FHL2: variants seen among roughly 807,000 people sequenced by gnomAD.
The protein encoded by FHL2 is four and a half LIM domains protein 2.
Under a neutral mutation model 32.7 loss-of-function variants are expected in FHL2, and 20 were observed. The observed-to-expected ratio is 0.61, with a 90% CI of 0.43 to 0.89. The LOEUF (loss-of-function observed/expected upper bound fraction) is 0.89, where lower values mean the gene tolerates loss of function less well. Ranked by LOEUF, FHL2 falls within the 40% of genes least tolerant of loss-of-function variation. The pLI, the probability that FHL2 is intolerant of heterozygous loss-of-function variation, is 0.00. For synonymous variants in FHL2, 123 were observed against 128.1 expected (o/e 0.96, Z 0.27); for missense variants, 311 against 358.6 (o/e 0.87, Z 1.07).
chr2:105,373,404 C>T (rs146481780), intron 4 of FHL2, 155 bp downstream of exon 4: 73 of 740,228 alleles, frequency 9.9e-5, no homozygotes, highest in East Asian at 4.3e-4. Flanking sequence ...GTCCCTGCTT[C>T]GTAAGTACTC....
chr2:105,379,034 G>T (rs926193014), intron 3 of FHL2, among the ~76,000 whole-genome samples: 1 of 152,130 alleles, frequency 6.6e-6, no homozygotes, highest in Non-Finnish European at 1.5e-5. Context: ...GCCCCTCTGG[G>T]ATCCCAGGAG....
intron 2 of FHL2, among the ~76,000 whole-genome samples, chr2:105,391,226 T>C (rs1029751652): frequency 6.6e-6 from 1 of 152,086 alleles, no homozygotes; most frequent in Non-Finnish European, 1.5e-5. Context: ...GTGCAGAAGA[T>C]ACAAAGATGA....
upstream of FHL2, among the ~76,000 whole-genome samples, chr2:105,402,933 T>C (rs1683519544): frequency 1.3e-5 from 2 of 152,246 alleles, no homozygotes; most frequent in Non-Finnish European, 2.9e-5. Flanking sequence ...ATGCTGTCTA[T>C]GGCAGCATAG....
In FHL2 at chr2:105,363,364, G is replaced by A. The variant is rs745753003; in HGVS notation, c.609C>T (p.Arg203=). 26 of 1,614,040 alleles carry A rather than the reference G, an allele frequency of 1.6e-5. No individual in the cohort carries two copies. The East Asian group carries it at 2.5e-4, about 15-fold the overall frequency. The change falls in exon 6 of 7, where the codon CGC becomes CGT. Residue 203 remains arginine (R), a synonymous_variant. Coordinates refer to ENST00000530340, the MANE Select transcript of FHL2 (RefSeq NM_001318895.3). Reference sequence around the variant, plus strand: ...AGTTCAGGCAGTAGGCAAAGTCATCGCGAGCTGTGAAGCGCTGCCCAGACA... The same window carrying A: ...AGTTCAGGCAGTAGGCAAAGTCATCACGAGCTGTGAAGCGCTGCCCAGACA... The part of the protein sequence containing the change: ...KQLSGQRFTA[R]DDFAYCLNCF...
intron 6 of FHL2, among the ~76,000 whole-genome samples, chr2:105,361,685 G>C (rs1680273809): frequency 6.6e-6 from 1 of 152,214 alleles, no homozygotes; most frequent in Admixed American, 6.5e-5. Context: ...ATCAAAGAAT[G>C]CTGACTGTGT....
Position 105,408,994 on chromosome 2 carries a change from G to A in FHL2, c.-24-22454C>T, listed in dbSNP as rs542797871. 5.1e-4 allele frequency among the ~76,000 whole-genome samples: 78 copies of A among 152,290 alleles called. 1 individual carries two copies. Among genetic ancestry groups the A allele is most frequent in the African/African-American group, 1.6e-3 (67 of 41,572 alleles). ...AGCCAAGGCAGCACCAGGTCATGGT[G>A]TCCTCTCTGTGGGTGCAAGAAAGCA... is the stretch of plus-strand genomic sequence containing the variant. On this transcript the variant is annotated intron_variant, in intron 1 of 5. Transcript: ENST00000393352.
rs1402641267 is a variant in FHL2, at chr2:105,361,117, A to G, written c.*166T>C. 3 of 629,964 alleles carry G rather than the reference A, an allele frequency of 4.8e-6. No individual in the cohort carries two copies. The African/African-American group carries it at 5.5e-5, about 12-fold the overall frequency. The allele number at this position is 629,964 out of a possible 1,614,324, so 39.0% of individuals were successfully genotyped here. Reference sequence around the variant, plus strand: ...TTTTCTCTTTCCCTGGGACTGAACTATCACAAAGCACTAAAGGGTTTAAGC... The same window carrying G: ...TTTTCTCTTTCCCTGGGACTGAACTGTCACAAAGCACTAAAGGGTTTAAGC... On this transcript the variant is annotated 3_prime_UTR_variant, in exon 7 of 7. Transcript: ENST00000530340.
At chr2:105,360,576 T>C, downstream of FHL2, 1 of 152,538 alleles carries the variant, frequency 6.6e-6, no homozygotes, top group Non-Finnish European at 1.5e-5. Flanking sequence ...CAGGATGGTC[T>C]TGATCTCCTG....
At chr2:105,386,186 G>T in intron 3 of FHL2, 175 bp downstream of exon 3, 2 of 617,590 alleles carry the variant, frequency 3.2e-6, no homozygotes, top group Admixed American at 3.2e-5. Flanking sequence ...TGTGGGCAGA[G>T]ATCACATTCG....
At chr2:105,370,853 AG>A (rs1681013524) in intron 4 of FHL2, among the ~76,000 whole-genome samples, 2 of 152,280 alleles carry the variant, frequency 1.3e-5, no homozygotes, top group South Asian at 4.2e-4. Context: ...CATCCAACCC[AG>A]GGAACACCGA....
chr2:105,412,932 C>T (rs1318761474), intron 1 of FHL2, among the ~76,000 whole-genome samples: 3 of 151,862 alleles, frequency 2.0e-5, no homozygotes, highest in South Asian at 2.1e-4. Flanking sequence ...GGTGTGGAGA[C>T]GGTGATGTAA....
chr2:105,372,898 G>C (rs1485099850), intron 4 of FHL2, among the ~76,000 whole-genome samples: 6 of 152,126 alleles, frequency 3.9e-5, no homozygotes, highest in African/African-American at 9.7e-5. Context: ...TGTCCACTTT[G>C]CTTTTTAAAA....
At chr2:105,394,074 G>T (rs1379833047) in intron 2 of FHL2, among the ~76,000 whole-genome samples, 3 of 152,138 alleles carry the variant, frequency 2.0e-5, no homozygotes, top group South Asian at 4.1e-4. Flanking sequence ...CCATTCAAAG[G>T]CACGGGACTC....
intron 1 of FHL2, among the ~76,000 whole-genome samples, chr2:105,436,534 A>G (rs1244388626): frequency 6.6e-6 from 1 of 152,158 alleles, no homozygotes; most frequent in Non-Finnish European, 1.5e-5. Flanking sequence ...GGAAGAAAGA[A>G]GATTAGCAAA....
At chr2:105,405,556 C>T (rs938649337) in intron 1 of FHL2, among the ~76,000 whole-genome samples, 2 of 152,218 alleles carry the variant, frequency 1.3e-5, no homozygotes, top group African/African-American at 2.4e-5. Context: ...GGATTACAGG[C>T]GTGAGCCACC....
chr2:105,382,003 C>G (rs1681932813), intron 3 of FHL2, among the ~76,000 whole-genome samples: 1 of 152,148 alleles, frequency 6.6e-6, no homozygotes, highest in Non-Finnish European at 1.5e-5. Context: ...CCAAAATATA[C>G]TAGGGGCATC....
intron 1 of FHL2, among the ~76,000 whole-genome samples, chr2:105,397,919 G>C (rs1683260208): frequency 6.7e-6 from 1 of 149,600 alleles, no homozygotes. Context: ...CTTCAGGATA[G>C]TGCAAAACCT....
In FHL2 at chr2:105,361,046, AT is replaced by A. The variant is rs1159200732; in HGVS notation, c.*236del. The A allele has an allele frequency of 5.0e-6, 2 of 401,796 alleles. No homozygotes were observed. Among genetic ancestry groups the A allele is most frequent in the Non-Finnish European group, 8.9e-6 (2 of 225,488 alleles). The allele number at this position is 401,796 out of a possible 1,614,324, so 24.9% of individuals were successfully genotyped here. On this transcript the variant is annotated 3_prime_UTR_variant, in exon 7 of 7. Coordinates refer to ENST00000530340, the MANE Select transcript of FHL2 (RefSeq NM_001318895.3). ...TTTACATTTGGGTGTGCCTTACTCG[AT>A]TACAAAAATTTCAAACCATCTTCCC...
chr2:105,374,881 T>C (rs1245913818), intron 3 of FHL2, among the ~76,000 whole-genome samples: 1 of 152,178 alleles, frequency 6.6e-6, no homozygotes, highest in Non-Finnish European at 1.5e-5. Context: ...AACAGAGTAT[T>C]AGGCTCTGCA....
Sources: gnomAD v4.1 joint callset for allele counts (sites outside exome capture counted in the v4.1 genomes callset) on GRCh38, gnomAD v4.1.1 for gene constraint, MANE v1.5 for transcripts, NCBI Gene and HGNC (gene_info 2026-07-23, HGNC 2026-07-21) for gene names.